GNAL: variants seen among roughly 807,000 people sequenced by gnomAD.
The protein encoded by GNAL is guanine nucleotide-binding protein G(olf) subunit alpha.
In GNAL, 18 loss-of-function variants were observed where a neutral mutation model predicts 55.1. The ratio of observed to expected loss-of-function variants is 0.33; its 90% CI spans 0.23 to 0.48. The LOEUF (loss-of-function observed/expected upper bound fraction) is 0.48, where lower values mean the gene tolerates loss of function less well. GNAL is among the 20% of genes least tolerant of loss of function. The probability of loss-of-function intolerance (pLI) is 0.99; values close to 1 mark genes in which losing one functional copy is unlikely to be tolerated. For missense variants in GNAL, 412 were observed against 614.1 expected, an observed-to-expected ratio of 0.67 and a Z score of 3.48; for synonymous variants, 253 against 237.0, an observed-to-expected ratio of 1.07 and a Z score of -0.62.
intron 5 of GNAL, chr18:11,833,650 C>G (rs977893712): frequency 2.0e-5 from 3 of 152,214 alleles, no homozygotes; most frequent in African/African-American, 7.2e-5. Flanking sequence ...CCTTATCTAA[C>G]GTAACCCTCA....
chr18:11,813,048 G>A (rs2034859149), intron 4 of GNAL, among the ~76,000 whole-genome samples: 1 of 152,040 alleles, frequency 6.6e-6, no homozygotes, highest in South Asian at 2.1e-4. Context: ...GAGGTCAGGA[G>A]TTCGAGACCA....
chr18:11,841,541 A>G (rs796902603), intron 5 of GNAL, among the ~76,000 whole-genome samples: 34 of 151,204 alleles, frequency 2.2e-4, no homozygotes, highest in African/African-American at 8.2e-4. Flanking sequence ...GCTACTCTGG[A>G]GGCTAAGGCA....
chr18:11,699,103 C>T (rs530919213), intron 1 of GNAL, among the ~76,000 whole-genome samples: 3 of 152,088 alleles, frequency 2.0e-5, no homozygotes, highest in Non-Finnish European at 4.4e-5. Flanking sequence ...TGCATAAATC[C>T]GAATAAGGAG....
At chr18:11,823,995 A>G (rs1259448857) in intron 4 of GNAL, among the ~76,000 whole-genome samples, 2 of 152,212 alleles carry the variant, frequency 1.3e-5, no homozygotes. Flanking sequence ...GAAGTTGAGC[A>G]CAGTGACCTC....
intron 5 of GNAL, among the ~76,000 whole-genome samples, chr18:11,849,151 A>G (rs944273873): frequency 1.1e-4 from 16 of 152,176 alleles, no homozygotes; most frequent in Admixed American, 6.5e-5. Flanking sequence ...ATCATCATCT[A>G]TCGGAGTCTC....
In GNAL at chr18:11,753,617, T is replaced by C; in HGVS notation, c.450-11T>C. ...GTAAATTAAGCTAATAACAACTCTC[T>C]TTCAATACAGGGAAAAGAAACAGAA... On this transcript the variant is annotated splice_polypyrimidine_tract_variant and intron_variant, in intron 2 of 11. Coordinates refer to ENST00000334049, the MANE Select transcript of GNAL (RefSeq NM_182978.4). 1 of 1,540,216 alleles carries C rather than the reference T, an allele frequency of 6.5e-7. No individual in the cohort carries two copies. Among genetic ancestry groups the C allele is most frequent in the Non-Finnish European group, 9.0e-7 (1 of 1,112,912 alleles).
At chr18:11,853,947 C>G (rs921982283) in intron 5 of GNAL, 22 of 165,966 alleles carry the variant, frequency 1.3e-4, no homozygotes, top group African/African-American at 4.8e-4. Flanking sequence ...CTCAGCCTGC[C>G]GAGTAGCTGG....
chr18:11,813,464 T>C (rs1373189060), intron 4 of GNAL, among the ~76,000 whole-genome samples: 1 of 152,212 alleles, frequency 6.6e-6, no homozygotes, highest in Non-Finnish European at 1.5e-5. Context: ...CTTAGAGGCT[T>C]GTCTGGAAGC....
chr18:11,703,169 T>C (rs1204389063), intron 1 of GNAL, among the ~76,000 whole-genome samples: 3 of 152,176 alleles, frequency 2.0e-5, no homozygotes, highest in African/African-American at 7.2e-5. Context: ...ATATTTCTGT[T>C]CTTAAAATCG....
intron 5 of GNAL, chr18:11,851,994 C>G (rs1475503567): frequency 1.2e-5 from 20 of 1,613,398 alleles, no homozygotes; most frequent in Non-Finnish European, 1.7e-5. Flanking sequence ...ATGAGGCGGG[C>G]CTCGACCTCA....
chr18:11,837,903 G>A (rs972157744), intron 5 of GNAL, among the ~76,000 whole-genome samples: 1 of 152,304 alleles, frequency 6.6e-6, no homozygotes, highest in East Asian at 1.9e-4. Context: ...CACTTTGGAG[G>A]CCAAGGTGAG....
chr18:11,854,304 CTA>C (rs1292944945), intron 5 of GNAL: 1 of 167,056 alleles, frequency 6.0e-6, no homozygotes, highest in Non-Finnish European at 1.5e-5. Flanking sequence ...CCATGTCATA[CTA>C]TTATGAATGT....
intron 9 of GNAL, among the ~76,000 whole-genome samples, chr18:11,869,458 TTGA>T (rs1161097256): frequency 2.4e-4 from 36 of 152,192 alleles, no homozygotes; most frequent in African/African-American, 8.2e-4. Context: ...GGAGTATTCT[TTGA>T]TGAAGTTCTG....
intron 4 of GNAL, among the ~76,000 whole-genome samples, chr18:11,762,883 C>G (rs1001614375): frequency 2.0e-5 from 3 of 152,180 alleles, no homozygotes; most frequent in Admixed American, 1.3e-4. Flanking sequence ...AAACCTGCTT[C>G]CAGGTCTCAC....
chr18:11,885,590 A>G lies in GNAL; in HGVS notation c.*4455A>G. 2 of 1,485,276 alleles carry G rather than the reference A, an allele frequency of 1.3e-6. No individual in the cohort carries two copies. Among genetic ancestry groups the G allele is most frequent in the Non-Finnish European group, 1.8e-6 (2 of 1,088,848 alleles). The allele number at this position is 1,485,276 out of a possible 1,614,324, so 92.0% of individuals were successfully genotyped here. ...TTGTGTGTGGCTTTTGTAAATTTTG[A>G]CCGATTGCAGCAATTAAATAGTTGA... On this transcript the variant is annotated 3_prime_UTR_variant, in exon 12 of 12. Transcript: ENST00000334049.
Position 11,689,293 on chromosome 18 carries a change from A to G in GNAL, c.-271A>G, listed in dbSNP as rs536918819. 1.0e-5 allele frequency: 3 copies of G among 289,814 alleles called. No homozygotes were observed. Among genetic ancestry groups the G allele is most frequent in the Non-Finnish European group, 1.9e-5 (3 of 156,356 alleles). 18.0% of individuals were successfully genotyped at this position (289,814 alleles called of 1,614,324 possible). On this transcript the variant is annotated 5_prime_UTR_variant, in exon 1 of 12. Transcript: ENST00000334049. ...GTTCGGTCCGCTCTGGGCGTTAGCAAGTGATCTCCAGCCAAGGCGGCCGCC... is the reference window on the plus strand; with the variant it reads ...GTTCGGTCCGCTCTGGGCGTTAGCAGGTGATCTCCAGCCAAGGCGGCCGCC...
At chr18:11,879,727 T>C (rs2036617510) in intron 11 of GNAL, among the ~76,000 whole-genome samples, 1 of 152,186 alleles carries the variant, frequency 6.6e-6, no homozygotes, top group Non-Finnish European at 1.5e-5. Flanking sequence ...TGCACTTAGC[T>C]TCATAGTGCA....
rs115408511 is a variant in GNAL at position 11,777,522 on chromosome 18, A to T, written c.624+23577A>T. Among the ~76,000 whole-genome samples, 755 of 152,348 alleles carry T rather than the reference A, an allele frequency of 5.0e-3. 5 individuals are homozygous for T. The highest frequency in any genetic ancestry group is 0.017 in the African/African-American group (714 of 41,590). On this transcript the variant is annotated intron_variant, in intron 4 of 11. Transcript: ENST00000334049. Reference sequence around the variant, plus strand: ...GTAAACAGAGATACATTGATCTTCTAAGCAATATCTTCATTTGAGCAGGAC... The same window carrying T: ...GTAAACAGAGATACATTGATCTTCTTAGCAATATCTTCATTTGAGCAGGAC...
chr18:11,818,006 C>T (rs951491852), intron 4 of GNAL, among the ~76,000 whole-genome samples: 5 of 150,558 alleles, frequency 3.3e-5, no homozygotes, highest in Admixed American at 6.6e-5. Context: ...GAGGCTGAGA[C>T]GGGCGGATCA....
Sources: gnomAD v4.1 joint callset for allele counts (sites outside exome capture counted in the v4.1 genomes callset) on GRCh38, gnomAD v4.1.1 for gene constraint, MANE v1.5 for transcripts, NCBI Gene and HGNC (gene_info 2026-07-23, HGNC 2026-07-21) for gene names.